The following RAB39A variants were observed in gnomAD, a reference collection of about 807,000 sequenced individuals.
RAB39A encodes the protein RAB39A, member RAS oncogene family.
Under a neutral mutation model 20.9 loss-of-function variants are expected in RAB39A, and 17 were observed. The observed-to-expected ratio is 0.81, with a 90% CI of 0.56 to 1.22. The LOEUF (loss-of-function observed/expected upper bound fraction) is 1.22. Ranked by LOEUF, RAB39A falls within the 50% of genes most tolerant of loss-of-function variation. The probability of loss-of-function intolerance (pLI) is 0.00; values close to 1 mark genes in which losing one functional copy is unlikely to be tolerated. For synonymous variants in RAB39A, 99 were observed against 103.4 expected (o/e 0.96, Z 0.26); for missense variants, 234 against 270.5 (o/e 0.87, Z 0.95).
At chr11:107,938,601 T>C (rs1007498557) in intron 1 of RAB39A, among the ~76,000 whole-genome samples, 4 of 140,974 alleles carry the variant, frequency 2.8e-5, no homozygotes, top group African/African-American at 7.9e-5. Context: ...GTGGGCATGG[T>C]GGAGTGCCCC....
At position 107,951,615 on chromosome 11, in the gene RAB39A, A is replaced by ATTTTTTT. The variant is rs4028253; in HGVS notation, c.228-10316_228-10310dup. Among the ~76,000 whole-genome samples the ATTTTTTT allele has an allele frequency of 3.7e-3, 389 of 105,642 alleles. 8 individuals are homozygous for ATTTTTTT. The highest frequency in any genetic ancestry group is 0.014 in the African/African-American group (373 of 27,232). 69.3% of individuals were successfully genotyped at this position (105,642 alleles called of 152,430 possible). Reference sequence around the variant, plus strand: ...ATCTATATAATCTTGCCATTTTCAGATTTTTTTTTTTTTTTTTTTTTGGAG... The same window carrying ATTTTTTT: ...ATCTATATAATCTTGCCATTTTCAGATTTTTTTTTTTTTTTTTTTTTTTTTTTTGGAG... On this transcript the variant is annotated intron_variant, in intron 1 of 1. Transcript: ENST00000320578.
At chr11:107,946,452 ATATATATATTTTTTTTTTTTTTTT>A (rs1565464299) in intron 1 of RAB39A, among the ~76,000 whole-genome samples, 3 of 71,778 alleles carry the variant, frequency 4.2e-5, no homozygotes, top group African/African-American at 1.1e-4. Context: ...ATATATATAT[ATATATATATTTTTTTTTTTTTTTT>A]TTTTTTTTTT....
At position 107,939,141 on chromosome 11, in the gene RAB39A, G is replaced by A. The variant is rs1218730102; in HGVS notation, c.227+10346G>A. 2.2e-4 allele frequency among the ~76,000 whole-genome samples: 33 copies of A among 151,366 alleles called. 1 individual carries two copies. The Admixed American group carries it at 2.2e-3, about 10-fold the overall frequency. ...CACCTGTAATCCCAGCTAATTGGAA[G>A]GCTAACACAGAGGAATCACTTGAAC... On this transcript the variant is annotated intron_variant, in intron 1 of 1. Coordinates refer to ENST00000320578, the MANE Select transcript of RAB39A (RefSeq NM_017516.3).
At chr11:107,944,349 A>ATT (rs1428410215) in intron 1 of RAB39A, among the ~76,000 whole-genome samples, 39 of 152,314 alleles carry the variant, frequency 2.6e-4, no homozygotes, top group African/African-American at 9.1e-4. Context: ...TGGGGAATAT[A>ATT]GTCTCTCGAT....
chr11:107,960,083 G>A (rs774622299), intron 1 of RAB39A, among the ~76,000 whole-genome samples: 3 of 151,944 alleles, frequency 2.0e-5, no homozygotes, highest in East Asian at 3.9e-4. Flanking sequence ...GGTGGCATGC[G>A]CCTATAGTCC....
rs549198709 is a variant in RAB39A, at chr11:107,961,968, C to T, written c.250C>T (p.Arg84Cys). The stretch of plus-strand genomic sequence containing the variant: ...CAGATCAATAACCCGATCTTATTAC[C>T]GCAACTCAGTTGGTGGATTTTTAGT... ...RFRSITRSYY[R>C]NSVGGFLVFD... The change falls in exon 2 of 2, where the codon CGC becomes TGC. Residue 84 changes from arginine to cysteine, a missense_variant. Arg to Cys is a radical substitution (Grantham distance 180). Coordinates refer to ENST00000320578, the MANE Select transcript of RAB39A (RefSeq NM_017516.3). 11 of 1,611,674 alleles carry T rather than the reference C, an allele frequency of 6.8e-6. No homozygotes were observed. The African/African-American group carries it at 8.0e-5, about 12-fold the overall frequency.
intron 1 of RAB39A, among the ~76,000 whole-genome samples, chr11:107,939,488 G>A (rs1293654845): frequency 3.3e-5 from 5 of 150,048 alleles, no homozygotes; most frequent in South Asian, 4.2e-4. Context: ...GGTGGCAGGC[G>A]CCTGTAGTCC....
At chr11:107,929,506 G>GTT (rs1453652517) in intron 1 of RAB39A, among the ~76,000 whole-genome samples, 1 of 152,014 alleles carries the variant, frequency 6.6e-6, no homozygotes, top group African/African-American at 2.4e-5. Context: ...GTGTGTGTGT[G>GTT]TATGTGAAGG....
chr11:107,946,466 T>A (rs1290615240), intron 1 of RAB39A, among the ~76,000 whole-genome samples: 50 of 34,044 alleles, frequency 1.5e-3, no homozygotes, highest in Middle Eastern at 0.011. Context: ...ATATATTTTT[T>A]TTTTTTTTTT....
chr11:107,943,081 G>A (rs1347654938), intron 1 of RAB39A, among the ~76,000 whole-genome samples: 1 of 152,094 alleles, frequency 6.6e-6, no homozygotes, highest in Non-Finnish European at 1.5e-5. Flanking sequence ...GCTACACTTA[G>A]TAACAGTAAT....
chr11:107,938,561 C>CTG (rs1861223689), intron 1 of RAB39A, among the ~76,000 whole-genome samples: 1 of 40,194 alleles, frequency 2.5e-5, no homozygotes, highest in Non-Finnish European at 5.1e-5. Flanking sequence ...GAGACCTCGT[C>CTG]TATAAAAAAA....
At chr11:107,957,584 A>G (rs1861450314) in intron 1 of RAB39A, among the ~76,000 whole-genome samples, 1 of 152,158 alleles carries the variant, frequency 6.6e-6, no homozygotes, top group Admixed American at 6.5e-5. Flanking sequence ...TATAATTAAA[A>G]CCAGATCTTC....
In RAB39A at chr11:107,953,958, C is replaced by T. The variant is rs145771891; in HGVS notation, c.228-7988C>T. Among the ~76,000 whole-genome samples, 15 of 152,276 alleles carry T rather than the reference C, an allele frequency of 9.9e-5. No homozygotes were observed. The East Asian group carries it at 2.1e-3, about 22-fold the overall frequency. ...ATCAATGAATCCCATGGCATCATTC[C>T]ATTTCCCTATCTCCACCACTGTTAA... On this transcript the variant is annotated intron_variant, in intron 1 of 1. Transcript: ENST00000320578.
chr11:107,949,939 G>A (rs1861358187), intron 1 of RAB39A, among the ~76,000 whole-genome samples: 2 of 151,808 alleles, frequency 1.3e-5, no homozygotes, highest in African/African-American at 2.4e-5. Flanking sequence ...TTGGGAGGCC[G>A]AGGCGGGCGT....
chr11:107,944,630 C>T (rs1048531312), intron 1 of RAB39A, among the ~76,000 whole-genome samples: 6 of 152,050 alleles, frequency 3.9e-5, no homozygotes, highest in Non-Finnish European at 8.8e-5. Flanking sequence ...TGTGATCTGC[C>T]CGCCTCAGCC....
chr11:107,929,477 C>T (rs898931882), intron 1 of RAB39A, among the ~76,000 whole-genome samples: 5 of 147,780 alleles, frequency 3.4e-5, no homozygotes, highest in African/African-American at 7.9e-5. Context: ...GACACTGGCA[C>T]AGCTGAGGGT....
At chr11:107,950,287 A>G (rs1861364391) in intron 1 of RAB39A, among the ~76,000 whole-genome samples, 1 of 152,182 alleles carries the variant, frequency 6.6e-6, no homozygotes, top group African/African-American at 2.4e-5. Flanking sequence ...CCTACTGTAA[A>G]TATTGAAAAG....
At chr11:107,935,635 C>A (rs1861186741) in intron 1 of RAB39A, among the ~76,000 whole-genome samples, 1 of 152,076 alleles carries the variant, frequency 6.6e-6, no homozygotes, top group Admixed American at 6.6e-5. Context: ...CTCGGCCTCC[C>A]AAAGTGCTGG....
At chr11:107,938,644 G>A (rs1861226023) in intron 1 of RAB39A, among the ~76,000 whole-genome samples, 1 of 148,136 alleles carries the variant, frequency 6.8e-6, no homozygotes, top group Admixed American at 6.9e-5. Flanking sequence ...ACTGAGGTAA[G>A]ACTATCACTT....
Sources: allele counts gnomAD v4.1 joint callset (sites outside exome capture counted in the v4.1 genomes callset), GRCh38; gene constraint gnomAD v4.1.1; transcripts MANE v1.5; gene names NCBI Gene and HGNC (gene_info 2026-07-23, HGNC 2026-07-21).